Variants in ENPP6 observed in about 807,000 individuals in gnomAD.
The protein encoded by ENPP6 is glycerophosphocholine cholinephosphodiesterase ENPP6.
Under a neutral mutation model 42.0 loss-of-function variants are expected in ENPP6, and 32 were observed. That is an observed-to-expected ratio of 0.76 (90% CI 0.58 to 1.02). ENPP6 has a LOEUF of 1.02. Ranked by LOEUF, ENPP6 falls within the 50% of genes least tolerant of loss-of-function variation. ENPP6 has a pLI of 0.00. For synonymous variants in ENPP6, 213 were observed against 216.0 expected (o/e 0.99, Z 0.12); for missense variants, 552 against 566.8 (o/e 0.97, Z 0.27).
intron 6 of ENPP6, among the ~76,000 whole-genome samples, chr4:184,100,050 A>T (rs1020098231): frequency 2.0e-5 from 3 of 152,272 alleles, no homozygotes; most frequent in Non-Finnish European, 4.4e-5. Context: ...CACACAAAGC[A>T]GTGAAAAACC....
intron 2 of ENPP6, among the ~76,000 whole-genome samples, chr4:184,127,440 G>A (rs1183982173): frequency 6.6e-6 from 1 of 151,774 alleles, no homozygotes; most frequent in African/African-American, 2.4e-5. Flanking sequence ...GAAGATGAGA[G>A]TTTTAAACTC....
chr4:184,164,992 T>C (rs1398091010), intron 1 of ENPP6, among the ~76,000 whole-genome samples: 1 of 152,190 alleles, frequency 6.6e-6, no homozygotes, highest in African/African-American at 2.4e-5. Flanking sequence ...AGGAAGCTGC[T>C]GGTGTTACAC....
intron 1 of ENPP6, among the ~76,000 whole-genome samples, chr4:184,196,297 C>G (rs1312873888): frequency 6.6e-6 from 1 of 152,208 alleles, no homozygotes; most frequent in South Asian, 2.1e-4. Flanking sequence ...CTATCCTGTA[C>G]GACGATTATA....
chr4:184,181,006 C>G (rs1732543443), intron 1 of ENPP6, among the ~76,000 whole-genome samples: 1 of 152,120 alleles, frequency 6.6e-6, no homozygotes, highest in African/African-American at 2.4e-5. Flanking sequence ...GAAGTTCTGG[C>G]CTGGGCAATC....
chr4:184,150,665 A>G (rs1560993632), intron 2 of ENPP6, among the ~76,000 whole-genome samples: 1 of 152,274 alleles, frequency 6.6e-6, no homozygotes. Flanking sequence ...GGCTGGCAGC[A>G]GAGACAGCTG....
intron 6 of ENPP6, among the ~76,000 whole-genome samples, chr4:184,108,574 A>T (rs1028705415): frequency 1.1e-4 from 16 of 152,224 alleles, no homozygotes; most frequent in Non-Finnish European, 2.2e-4. Flanking sequence ...TGTTTTGGGG[A>T]TTTCTCAGAA....
chr4:184,200,781 G>A (rs372551227), intron 1 of ENPP6, among the ~76,000 whole-genome samples: 1 of 152,134 alleles, frequency 6.6e-6, no homozygotes. Flanking sequence ...GGTGACTCCC[G>A]GGGGACCTGG....
chr4:184,101,273 C>T (rs1735997183), intron 6 of ENPP6, among the ~76,000 whole-genome samples: 1 of 149,616 alleles, frequency 6.7e-6, no homozygotes, highest in Admixed American at 6.7e-5. Context: ...GTCTGTGTTG[C>T]ACGTGTGTGT....
chr4:184,120,341 T>C (rs1736395951), intron 3 of ENPP6, among the ~76,000 whole-genome samples: 2 of 152,200 alleles, frequency 1.3e-5, no homozygotes, highest in African/African-American at 4.8e-5. Flanking sequence ...CTGAAGGCAG[T>C]CCTTTAGAGC....
intron 1 of ENPP6, among the ~76,000 whole-genome samples, chr4:184,164,956 C>T (rs1000401007): frequency 6.6e-6 from 1 of 152,146 alleles, no homozygotes; most frequent in Non-Finnish European, 1.5e-5. Flanking sequence ...CACGCGATTC[C>T]CAGCACTCAG....
intron 1 of ENPP6, among the ~76,000 whole-genome samples, chr4:184,186,591 C>T (rs1340014856): frequency 6.6e-6 from 1 of 152,032 alleles, no homozygotes; most frequent in Non-Finnish European, 1.5e-5. Context: ...AAAACTTGGA[C>T]CCCAATAAAG....
At chr4:184,129,425 T>C (rs1010881060) in intron 2 of ENPP6, among the ~76,000 whole-genome samples, 1 of 152,144 alleles carries the variant, frequency 6.6e-6, no homozygotes, top group Non-Finnish European at 1.5e-5. Flanking sequence ...TAGCATTCCA[T>C]AAGTACGTTT....
intron 2 of ENPP6, among the ~76,000 whole-genome samples, chr4:184,144,665 G>A (rs776145371): frequency 1.3e-4 from 20 of 152,306 alleles, no homozygotes; most frequent in South Asian, 2.1e-4. Context: ...GGTCCTGAGC[G>A]CTGCTACCAG....
At chr4:184,151,610 G>A (rs1304205784) in intron 2 of ENPP6, among the ~76,000 whole-genome samples, 1 of 152,204 alleles carries the variant, frequency 6.6e-6, no homozygotes, top group African/African-American at 2.4e-5. Context: ...TATCATGGAA[G>A]ATAATCCTCA....
At chr4:184,120,584 T>G (rs901207208) in intron 3 of ENPP6, among the ~76,000 whole-genome samples, 1 of 152,160 alleles carries the variant, frequency 6.6e-6, no homozygotes. Context: ...ATGCACCTTT[T>G]CCTGCCCACT....
intron 2 of ENPP6, among the ~76,000 whole-genome samples, chr4:184,139,478 G>T (rs1391963855): frequency 6.9e-6 from 1 of 144,570 alleles, no homozygotes; most frequent in Admixed American, 6.9e-5. Flanking sequence ...CTAGCATTAG[G>T]TATATCTCCC....
chr4:184,091,659 C>A (rs941041982), intron 7 of ENPP6, among the ~76,000 whole-genome samples: 1 of 152,084 alleles, frequency 6.6e-6, no homozygotes, highest in Non-Finnish European at 1.5e-5. Context: ...GTAGTCTCAG[C>A]AAGTTGGGAG....
At chr4:184,194,525 T>TAATA (rs1413678184) in intron 1 of ENPP6, among the ~76,000 whole-genome samples, 2 of 152,130 alleles carry the variant, frequency 1.3e-5, no homozygotes, top group East Asian at 3.9e-4. Context: ...CATCCACAAA[T>TAATA]TATTAAGAAT....
At chr4:184,131,212 CTTTCTTTT>C in intron 2 of ENPP6, among the ~76,000 whole-genome samples, 1 of 91,906 alleles carries the variant, frequency 1.1e-5, no homozygotes, top group East Asian at 2.8e-4. Flanking sequence ...TTCTTTCTTT[CTTTCTTTT>C]TCTTTCTTTC....
Sources: allele counts gnomAD v4.1 joint callset (sites outside exome capture counted in the v4.1 genomes callset), GRCh38; gene constraint gnomAD v4.1.1; transcripts MANE v1.5; gene names NCBI Gene and HGNC (gene_info 2026-07-23, HGNC 2026-07-21).